Variants in PRKN observed in about 807,000 individuals in gnomAD.
The protein encoded by PRKN is E3 ubiquitin-protein ligase parkin.
In PRKN, 56 loss-of-function variants were observed where a neutral mutation model predicts 59.5. That is an observed-to-expected ratio of 0.94 (90% CI 0.76 to 1.18). PRKN has a LOEUF of 1.18. PRKN is among the 50% of genes most tolerant of loss of function. The pLI, the probability that PRKN is intolerant of heterozygous loss-of-function variation, is 0.00. For synonymous variants in PRKN, 250 were observed against 222.1 expected, an observed-to-expected ratio of 1.13 and a Z score of -1.12; for missense variants, 657 against 596.4, an observed-to-expected ratio of 1.10 and a Z score of -1.06.
rs981920350 is a variant in PRKN, at chr6:162,493,900, G to C, written c.8-50427C>G. Among the ~76,000 whole-genome samples, 6 of 152,250 alleles carry C rather than the reference G, an allele frequency of 3.9e-5. No homozygotes were observed. The South Asian group carries it at 1.2e-3, about 32-fold the overall frequency. On this transcript the variant is annotated intron_variant, in intron 1 of 11. Transcript: ENST00000366898. ...AAACCAGCCTCCTAGGCTTTGACTG[G>C]ACTTCCCCATTTGTGAGATGAGGGA... is the stretch of plus-strand genomic sequence containing the variant.
chr6:161,516,826 C>CAAAAAAAAA (rs369136348), intron 9 of PRKN, among the ~76,000 whole-genome samples: 242 of 62,814 alleles, frequency 3.9e-3, no homozygotes, highest in Middle Eastern at 0.015. Context: ...GACTCAATCT[C>CAAAAAAAAA]AAAAAAAAAA....
intron 9 of PRKN, among the ~76,000 whole-genome samples, chr6:161,411,582 C>A (rs763357151): frequency 1.3e-5 from 2 of 152,168 alleles, no homozygotes; most frequent in Non-Finnish European, 2.9e-5. Context: ...TGTCTGTCTG[C>A]GAACTCACTC....
chr6:161,786,301 T>C (rs1327220434), intron 6 of PRKN, among the ~76,000 whole-genome samples: 1 of 152,200 alleles, frequency 6.6e-6, no homozygotes, highest in Non-Finnish European at 1.5e-5. Context: ...TCTTCTCCTT[T>C]CTCATAGACT....
intron 1 of PRKN, among the ~76,000 whole-genome samples, chr6:162,548,878 T>C (rs2803068): frequency 0.37 from 56,956 of 151,930 alleles, 11,737 homozygotes; most frequent in Non-Finnish European, 0.47. Flanking sequence ...TTTTCACTGG[T>C]CCGCTCACTC....
chr6:161,846,126 C>T (rs1793189291), intron 6 of PRKN, among the ~76,000 whole-genome samples: 1 of 152,062 alleles, frequency 6.6e-6, no homozygotes, highest in African/African-American at 2.4e-5. Flanking sequence ...AGGACTTATC[C>T]CTCATTTTCT....
intron 5 of PRKN, among the ~76,000 whole-genome samples, chr6:162,011,030 ATTATAATATATAT>A (rs1160851882): frequency 0.019 from 74 of 3,998 alleles, 12 homozygotes; most frequent in Admixed American, 0.042. Flanking sequence ...ATAATATATA[ATTATAATATATAT>A]TTATAATATA....
At chr6:162,146,640 G>A (rs144650741) in intron 4 of PRKN, among the ~76,000 whole-genome samples, 3,120 of 152,030 alleles carry the variant, frequency 0.021, 104 homozygotes, top group African/African-American at 0.072. Context: ...AAGTAGCTGG[G>A]ACTACAGGCA....
At chr6:161,964,144 C>G (rs149798573) in intron 6 of PRKN, among the ~76,000 whole-genome samples, 5 of 152,202 alleles carry the variant, frequency 3.3e-5, no homozygotes, top group African/African-American at 1.2e-4. Context: ...AATAGCAATG[C>G]AAGCCATGTA....
intron 9 of PRKN, among the ~76,000 whole-genome samples, chr6:161,430,814 CAAAAAAAAAA>C (rs35611748): frequency 1.7e-5 from 1 of 58,340 alleles, no homozygotes; most frequent in African/African-American, 7.1e-5. Flanking sequence ...GACTCCGTCT[CAAAAAAAAAA>C]AAAAAAAAAA....
chr6:161,741,143 G>A (rs1035280472), intron 7 of PRKN, among the ~76,000 whole-genome samples: 3 of 152,254 alleles, frequency 2.0e-5, no homozygotes, highest in Admixed American at 6.5e-5. Context: ...TTTTGACATC[G>A]TCCTTGCAGT....
At chr6:161,962,830 C>T (rs561028787) in intron 6 of PRKN, among the ~76,000 whole-genome samples, 24 of 151,932 alleles carry the variant, frequency 1.6e-4, no homozygotes, top group South Asian at 8.3e-4. Context: ...CCACCTCACC[C>T]GGCCGCTCCA....
At chr6:161,865,046 A>T (rs1265138334) in intron 6 of PRKN, among the ~76,000 whole-genome samples, 4 of 152,202 alleles carry the variant, frequency 2.6e-5, no homozygotes, top group African/African-American at 7.2e-5. Context: ...AGTCAAAAAA[A>T]CTTCTTGATC....
chr6:161,596,486 A>T (rs985000106), intron 7 of PRKN, among the ~76,000 whole-genome samples: 1 of 152,136 alleles, frequency 6.6e-6, no homozygotes, highest in Non-Finnish European at 1.5e-5. Context: ...ATTGTTTTCC[A>T]ACTTTGGTTT....
intron 1 of PRKN, among the ~76,000 whole-genome samples, chr6:162,468,875 CAT>C (rs1161143972): frequency 2.1e-4 from 32 of 152,216 alleles, no homozygotes. Context: ...CTATCAAAAT[CAT>C]ATGAGAATTT....
At position 162,435,377 on chromosome 6, in the gene PRKN, T is replaced by C. The variant is rs188682542; in HGVS notation, c.171+7933A>G. ...TTTTTTTTCTTCAAGTCTATGCTTA[T>C]TGATGGCAATCCTCAGAGATGTTTT... On this transcript the variant is annotated intron_variant, in intron 2 of 11. Coordinates refer to ENST00000366898, the MANE Select transcript of PRKN (RefSeq NM_004562.3). Among the ~76,000 whole-genome samples the C allele has an allele frequency of 3.5e-3, 540 of 152,264 alleles. 10 individuals are homozygous for C. Among genetic ancestry groups the C allele is most frequent in the Admixed American group, 0.031 (474 of 15,272 alleles).
At chr6:161,897,346 T>G (rs1194543757) in intron 6 of PRKN, among the ~76,000 whole-genome samples, 1 of 152,202 alleles carries the variant, frequency 6.6e-6, no homozygotes, top group Non-Finnish European at 1.5e-5. Context: ...TCAACTTCTC[T>G]TCTTTTTCAG....
Position 161,865,434 on chromosome 6 carries a change from A to AT in PRKN, c.735-79527dup, listed in dbSNP as rs139778019. ...TTGGAAGCTTTGAAGCCAGGAATCG[A>AT]TTTTTTTTTATCCAACTATGAAAGT... On this transcript the variant is annotated intron_variant, in intron 6 of 11. Transcript: ENST00000366898. Among the ~76,000 whole-genome samples, 7 of 151,808 alleles carry AT rather than the reference A, an allele frequency of 4.6e-5. 1 individual carries two copies. The highest frequency in any genetic ancestry group is 3.9e-4 in the East Asian group (2 of 5,166).
intron 1 of PRKN, among the ~76,000 whole-genome samples, chr6:162,541,204 G>A (rs1778913722): frequency 6.6e-6 from 1 of 152,200 alleles, no homozygotes; most frequent in South Asian, 2.1e-4. Context: ...CATGTGGGGA[G>A]ACAGACACGA....
chr6:162,610,700 C>T (rs9364667), intron 1 of PRKN, among the ~76,000 whole-genome samples: 46,698 of 151,864 alleles, frequency 0.31, 7,618 homozygotes, highest in East Asian at 0.5. Context: ...ATTTTCAAAA[C>T]AGATTATATT....
Sources: gnomAD v4.1 joint callset for allele counts (sites outside exome capture counted in the v4.1 genomes callset) on GRCh38, gnomAD v4.1.1 for gene constraint, MANE v1.5 for transcripts, NCBI Gene and HGNC (gene_info 2026-07-23, HGNC 2026-07-21) for gene names.